The following KRT33B variants were observed in gnomAD, a reference collection of about 807,000 sequenced individuals.
The protein encoded by KRT33B is keratin 33B.
KRT33B carries 37 observed loss-of-function variants against 42.7 expected under a neutral mutation model. The ratio of observed to expected loss-of-function variants is 0.87; its 90% confidence interval spans 0.67 to 1.14. The LOEUF (loss-of-function observed/expected upper bound fraction) is 1.14. Among genes scored for constraint, KRT33B ranks in the 50% most tolerant of loss-of-function variants. The pLI is 0.00. For missense variants in KRT33B, 523 were observed against 515.1 expected (o/e 1.02, Z -0.15); for synonymous variants, 237 against 221.2 (o/e 1.07, Z -0.63).
chr17:41,366,277 G>A (rs2017699370), intron 3 of KRT33B, among the ~76,000 whole-genome samples, 193 bp downstream of exon 3: 1 of 151,286 alleles, frequency 6.6e-6, no homozygotes. Flanking sequence ...GGGGAAGTAG[G>A]TCAGCTTACC....
chr17:41,366,658 C>T, intron 2 of KRT33B, 32 bp from the exon 3 acceptor site: 1 of 1,157,938 alleles, frequency 8.6e-7, no homozygotes, highest in Non-Finnish European at 1.2e-6. Context: ...AAAAGAGGTC[C>T]AAAAAAAAAA....
chr17:41,367,560 T>C (rs2017716554), intron 2 of KRT33B, among the ~76,000 whole-genome samples: 1 of 151,058 alleles, frequency 6.6e-6, no homozygotes, highest in African/African-American at 2.5e-5. Context: ...AAAAATTAGC[T>C]GGGCCTGCTG....
chr17:41,367,231 T>C (rs555795624), intron 2 of KRT33B, among the ~76,000 whole-genome samples: 3 of 151,520 alleles, frequency 2.0e-5, no homozygotes, highest in South Asian at 2.1e-4. Context: ...CCTAAAAGTA[T>C]TGATTGATTC....
intron 1 of KRT33B, 87 bp from the exon 2 acceptor site, chr17:41,368,077 C>T (rs1386125146): frequency 3.2e-6 from 4 of 1,267,500 alleles, no homozygotes; most frequent in South Asian, 2.5e-5. Flanking sequence ...CAGCCACATT[C>T]CTCCCAAATA....
chr17:41,363,910 G>A lies in KRT33B; in HGVS notation c.1141C>T (p.Pro381Ser), dbSNP rs1327914094. The A allele has an allele frequency of 6.2e-7, 1 of 1,611,952 alleles. No individual in the cohort carries two copies. The highest frequency in any genetic ancestry group is 2.2e-5 in the East Asian group (1 of 44,884). Residue 381 changes from proline to serine, a missense_variant, in exon 7 of 7, where the codon CCC (proline) becomes TCC (serine). Transcript: ENST00000251646. Reference sequence around the variant, plus strand: ...GGATTGGTGACACAGGATCCAATGGGCTTTTCACATGCATTGGTGGTGGCG... The same window carrying A: ...GGATTGGTGACACAGGATCCAATGGACTTTTCACATGCATTGGTGGTGGCG... Reference protein sequence around the residue: ...PCATTNACEKPIGSCVTNPCG... With the variant: ...PCATTNACEKSIGSCVTNPCG...
chr17:41,363,635 G>A lies in KRT33B; in HGVS notation c.*201C>T. On this transcript the variant is annotated 3_prime_UTR_variant, in exon 7 of 7. Transcript: ENST00000251646. ...ATCAGAACTCAGACTGACTACAGGA[G>A]AGGGACCTGGGGTGAGGAGGATCAA... 2.2e-6 allele frequency: 1 copy of A among 458,844 alleles called. No homozygotes were observed. Among genetic ancestry groups the A allele is most frequent in the Non-Finnish European group, 3.9e-6 (1 of 257,982 alleles). 28.4% of individuals were successfully genotyped at this position (458,844 alleles called of 1,614,324 possible).
intron 6 of KRT33B, 98 bp from the exon 7 acceptor site, chr17:41,364,051 C>T: frequency 1.2e-6 from 1 of 829,750 alleles, no homozygotes; most frequent in Admixed American, 2.0e-5. Flanking sequence ...AACCCGTTCT[C>T]TGATGTCCTA....
Position 41,363,638 on chromosome 17 carries a change from G to A in KRT33B, c.*198C>T. ...AGAACTCAGACTGACTACAGGAGAG[G>A]GACCTGGGGTGAGGAGGATCAAGTA... On this transcript the variant is annotated 3_prime_UTR_variant, in exon 7 of 7. Transcript: ENST00000251646. 2.2e-6 allele frequency: 1 copy of A among 460,834 alleles called. No homozygotes were observed. Among genetic ancestry groups the A allele is most frequent in the Non-Finnish European group, 3.9e-6 (1 of 258,906 alleles). The allele number at this position is 460,834 out of a possible 1,614,324, so 28.5% of individuals were successfully genotyped here.
intron 2 of KRT33B, 52 bp downstream of exon 2, chr17:41,367,856 G>A (rs72828144): frequency 0.074 from 111,926 of 1,512,190 alleles, 4,766 homozygotes; most frequent in Non-Finnish European, 0.083. Context: ...TCATCACTTT[G>A]TAATTCAGCC....
chr17:41,367,872 G>A lies in KRT33B; in HGVS notation c.431+36C>T, dbSNP rs187162292. The A allele has an allele frequency of 1.2e-3, 1,872 of 1,584,300 alleles. 3 individuals are homozygous for A. The highest frequency in any genetic ancestry group is 1.4e-3 in the Non-Finnish European group (1,656 of 1,155,250). ...CATCACTTTGTAATTCAGCCTGTCCGTTACTAGACTGCTCTGATGGTTAGG... is the reference window on the plus strand; with the variant it reads ...CATCACTTTGTAATTCAGCCTGTCCATTACTAGACTGCTCTGATGGTTAGG... On this transcript the variant is annotated intron_variant, in intron 2 of 6. Coordinates refer to ENST00000251646, the MANE Select transcript of KRT33B (RefSeq NM_002279.5).
At position 41,365,310 on chromosome 17, in the gene KRT33B, C is replaced by G. The variant is rs906018761; in HGVS notation, c.751-10G>C. 4 of 1,612,534 alleles carry G rather than the reference C, an allele frequency of 2.5e-6. No homozygotes were observed. In the African/African-American group the frequency reaches 5.4e-5, roughly 22 times the overall value. ...TGTTCAGCTCCTCGGTCTGAAACAC[C>G]CAAGGGGAGAAAGGATCAGACCCTG... On this transcript the variant is annotated splice_polypyrimidine_tract_variant and intron_variant, in intron 4 of 6. Transcript: ENST00000251646.
At chr17:41,365,745 A>G (rs1226843116) in intron 3 of KRT33B, among the ~76,000 whole-genome samples, 192 bp from the exon 4 acceptor site, 1 of 151,292 alleles carries the variant, frequency 6.6e-6, no homozygotes, top group Non-Finnish European at 1.5e-5. Flanking sequence ...CGGCTGCTTC[A>G]TTAAATGATT....
intron 2 of KRT33B, 45 bp from the exon 3 acceptor site, chr17:41,366,671 T>G (rs776195498): frequency 9.5e-5 from 143 of 1,504,056 alleles, no homozygotes; most frequent in Non-Finnish European, 1.2e-4. Context: ...AAAAAAAAAG[T>G]CTTTGTTTCC....
rs1410442389 is a variant in KRT33B, at chr17:41,369,752, G to C, written c.-2C>G. The C allele has an allele frequency of 3.1e-6, 5 of 1,612,200 alleles. No homozygotes were observed. In the African/African-American group the frequency reaches 6.7e-5, roughly 22 times the overall value. ...GGGCAGGCAGAAGTTGTAGGGCATGGTGCAGGGAGGCAGTGGAGCTCTGGA... is the reference window on the plus strand; with the variant it reads ...GGGCAGGCAGAAGTTGTAGGGCATGCTGCAGGGAGGCAGTGGAGCTCTGGA... On this transcript the variant is annotated 5_prime_UTR_variant, in exon 1 of 7. Transcript: ENST00000251646.
Position 41,365,179 on chromosome 17 carries a change from T to A in KRT33B, c.872A>T (p.Asn291Ile). 6.2e-7 allele frequency: 1 copy of A among 1,611,552 alleles called. No individual in the cohort carries two copies. Among genetic ancestry groups the A allele is most frequent in the East Asian group, 2.2e-5 (1 of 44,876 alleles). Residue 291 changes from asparagine (N) to isoleucine (I), a missense_variant, in exon 5 of 7, where the codon AAC (asparagine) becomes ATC (isoleucine). Physicochemically the swap from Asn to Ile is moderately radical, Grantham distance 149. Transcript: ENST00000251646. ...GCAGGTCTGAACAATACACACCAGG[T>A]TGTGCTGGGCCTGCAGCTCGATCTC... Reference protein sequence around the residue: ...ALEIELQAQHNLRYSLENTLT... With the variant: ...ALEIELQAQHILRYSLENTLT...
In KRT33B at chr17:41,369,725, C is replaced by A; in HGVS notation, c.26G>T (p.Ser9Ile). The A allele has an allele frequency of 1.2e-6, 2 of 1,613,744 alleles. No homozygotes were observed. Among genetic ancestry groups the A allele is most frequent in the East Asian group, 4.5e-5 (2 of 44,882 alleles). Residue 9 changes from serine (S) to isoleucine (I), a missense_variant, in exon 1 of 7, where the codon AGC becomes ATC. By Grantham distance (142) the Ser-to-Ile change is moderately radical (BLOSUM62 -2). Transcript: ENST00000251646. ...GGAGCAGCTGGTGCGGCAGCTCAGGCTGGGCAGGCAGAAGTTGTAGGGCAT... is the reference window on the plus strand; with the variant it reads ...GGAGCAGCTGGTGCGGCAGCTCAGGATGGGCAGGCAGAAGTTGTAGGGCAT... Reference protein sequence around the residue: MPYNFCLPSLSCRTSCSSR... With the variant: MPYNFCLPILSCRTSCSSR...
In KRT33B at chr17:41,363,741, G is replaced by C. The variant is rs1039415397; in HGVS notation, c.*95C>G. 1.3e-6 allele frequency: 1 copy of C among 790,890 alleles called. No individual in the cohort carries two copies. Among genetic ancestry groups the C allele is most frequent in the Non-Finnish European group, 2.1e-6 (1 of 466,396 alleles). The allele number at this position is 790,890 out of a possible 1,614,324, so 49.0% of individuals were successfully genotyped here. ...CCATGATTTGTGGTGATGCCTCGGG[G>C]TGGGGTCCGGTGGCTGATGGTTGTC... On this transcript the variant is annotated 3_prime_UTR_variant, in exon 7 of 7. Transcript: ENST00000251646.
Position 41,365,171 on chromosome 17 carries a change from A to G in KRT33B, c.876+4T>C. 1 of 1,611,514 alleles carries G rather than the reference A, an allele frequency of 6.2e-7. No homozygotes were observed. Among genetic ancestry groups the G allele is most frequent in the Non-Finnish European group, 8.5e-7 (1 of 1,179,984 alleles). On this transcript the variant is annotated splice_donor_region_variant and intron_variant, in intron 5 of 6. Transcript: ENST00000251646. ...GCTCACCAGCAGGTCTGAACAATAC[A>G]CACCAGGTTGTGCTGGGCCTGCAGC...
rs199838257 is a variant in KRT33B at position 41,364,980 on chromosome 17, G to C, written c.896C>G (p.Thr299Arg). Reference protein sequence around the residue: ...QHNLRYSLENTLTESEARYSS... With the variant: ...QHNLRYSLENRLTESEARYSS... ...GTAGCGGGCCTCGCTCTCTGTCAGC[G>C]TGTTTTCCAGAGAGTATCGCTGTGG... Residue 299 changes from threonine (T) to arginine (R), a missense_variant, in exon 6 of 7, where the codon ACG becomes AGG. Coordinates refer to ENST00000251646, the MANE Select transcript of KRT33B (RefSeq NM_002279.5). 1.4e-5 allele frequency: 22 copies of C among 1,613,254 alleles called. No individual in the cohort carries two copies. The highest frequency in any genetic ancestry group is 1.8e-5 in the Non-Finnish European group (21 of 1,180,060).
Sources: gnomAD v4.1 joint callset for allele counts (sites outside exome capture counted in the v4.1 genomes callset) on GRCh38, gnomAD v4.1.1 for gene constraint, MANE v1.5 for transcripts, NCBI Gene and HGNC (gene_info 2026-07-23, HGNC 2026-07-21) for gene names.